The following NFXL1 variants were observed in gnomAD, a reference collection of about 807,000 sequenced individuals.
NFXL1 encodes the protein nuclear transcription factor, X-box binding like 1, also known as NF-X1-type zinc finger protein NFXL1.
Under a neutral mutation model 123.3 loss-of-function variants are expected in NFXL1, and 66 were observed. The ratio of observed to expected loss-of-function variants is 0.54; its 90% CI spans 0.44 to 0.66. NFXL1 has a LOEUF of 0.66. NFXL1 is among the 30% of genes least tolerant of loss of function. The pLI, the probability that NFXL1 is intolerant of heterozygous loss-of-function variation, is 0.00. For missense variants in NFXL1, 944 were observed against 1,125.6 expected (o/e 0.84, Z 2.31); for synonymous variants, 346 against 360.8 (o/e 0.96, Z 0.46).
intron 19 of NFXL1, among the ~76,000 whole-genome samples, chr4:47,861,896 G>A (rs1317526483): frequency 6.6e-6 from 1 of 152,118 alleles, no homozygotes; most frequent in Non-Finnish European, 1.5e-5. Context: ...CTTAATCAAA[G>A]ACTGATTATG....
At chr4:47,909,711 T>G (rs1203969423) in intron 3 of NFXL1, among the ~76,000 whole-genome samples, 1 of 151,502 alleles carries the variant, frequency 6.6e-6, no homozygotes, top group East Asian at 1.9e-4. Flanking sequence ...CAGGCTGGAG[T>G]GCAGTGGCGC....
intron 19 of NFXL1, among the ~76,000 whole-genome samples, chr4:47,861,513 A>G (rs982018327): frequency 9.2e-5 from 14 of 152,178 alleles, no homozygotes; most frequent in African/African-American, 3.4e-4. Context: ...AATTAGCAAC[A>G]CCTGAATTAA....
At chr4:47,882,435 A>C (rs1336742402) in intron 15 of NFXL1, 1 of 152,246 alleles carries the variant, frequency 6.6e-6, no homozygotes, top group Admixed American at 6.5e-5. Flanking sequence ...ACAGAAAGGC[A>C]AACAGCCTGA....
intron 17 of NFXL1, among the ~76,000 whole-genome samples, chr4:47,878,244 T>G (rs1297071724): frequency 6.6e-6 from 1 of 152,034 alleles, no homozygotes; most frequent in African/African-American, 2.4e-5. Flanking sequence ...AACCTATGTA[T>G]TTTTATCATA....
At chr4:47,868,098 G>A (rs1735206477) in intron 18 of NFXL1, among the ~76,000 whole-genome samples, 1 of 152,090 alleles carries the variant, frequency 6.6e-6, no homozygotes, top group African/African-American at 2.4e-5. Context: ...GGTGGATCAC[G>A]AGGTCAGGAG....
chr4:47,890,636 T>C lies in NFXL1; in HGVS notation c.1520A>G (p.Lys507Arg). 2.5e-6 allele frequency: 4 copies of C among 1,604,320 alleles called. No homozygotes were observed. The highest frequency in any genetic ancestry group is 3.4e-6 in the Non-Finnish European group (4 of 1,171,424). Residue 507 changes from lysine to arginine, a missense_variant, in exon 12 of 23, where the codon AAG becomes AGG. By Grantham distance (26) the Lys-to-Arg change is conservative. Around this residue, in one of 4 missense-constraint regions of NFXL1, gnomAD observed 296 missense variants for 395.1 expected, o/e 0.75. Transcript: ENST00000507489. ...ACCTCTGTGACAGACAGATGGACAC[T>C]TATGGTTTCTACATCCTAAAGTCCG... ...CGRTLGCRNHKCPSVCHRGSC... is the reference protein window; with the variant it reads ...CGRTLGCRNHRCPSVCHRGSC...
At chr4:47,884,081 T>C (rs1736278496) in intron 15 of NFXL1, among the ~76,000 whole-genome samples, 1 of 152,186 alleles carries the variant, frequency 6.6e-6, no homozygotes, top group Non-Finnish European at 1.5e-5. Flanking sequence ...TGTAATTGCA[T>C]GCACTCGCTA....
At chr4:47,896,359 C>T (rs1003449345) in intron 10 of NFXL1, among the ~76,000 whole-genome samples, 164 bp downstream of exon 10, 1 of 152,156 alleles carries the variant, frequency 6.6e-6, no homozygotes, top group African/African-American at 2.4e-5. Flanking sequence ...CGTGGTATGC[C>T]TGTATTCTCC....
chr4:47,884,053 G>C (rs1177237176), intron 15 of NFXL1, among the ~76,000 whole-genome samples: 1 of 152,158 alleles, frequency 6.6e-6, no homozygotes, highest in Non-Finnish European at 1.5e-5. Context: ...AACAAATGAT[G>C]TTCCTTGGAT....
intron 19 of NFXL1, among the ~76,000 whole-genome samples, chr4:47,858,515 A>G (rs1173979427): frequency 6.6e-6 from 1 of 152,238 alleles, no homozygotes; most frequent in East Asian, 1.9e-4. Flanking sequence ...CACCCACAGT[A>G]AAACAAACTT....
intron 12 of NFXL1, among the ~76,000 whole-genome samples, chr4:47,887,485 T>G (rs1662603881): frequency 6.6e-6 from 1 of 152,210 alleles, no homozygotes; most frequent in African/African-American, 2.4e-5. Flanking sequence ...TAACATTTAT[T>G]ATACAAAACA....
chr4:47,889,587 G>C (rs1478154955), intron 12 of NFXL1, among the ~76,000 whole-genome samples: 3 of 152,202 alleles, frequency 2.0e-5, no homozygotes, highest in East Asian at 3.8e-4. Context: ...CAGTTCAGTA[G>C]TTTGTTCTAG....
Position 47,898,095 on chromosome 4 carries a change from C to A in NFXL1, c.1090-14G>T. 6.8e-7 allele frequency: 1 copy of A among 1,474,556 alleles called. No homozygotes were observed. Among genetic ancestry groups the A allele is most frequent in the Non-Finnish European group, 9.4e-7 (1 of 1,068,434 alleles). 91.3% of individuals were successfully genotyped at this position (1,474,556 alleles called of 1,614,324 possible). A position where few individuals can be genotyped will look rare whatever the true frequency, so the allele number is the denominator to read the frequency against. ...TTTTCCACATACCTAAAATAAAATG[C>A]AATAAACACTAATGAAGGATTTAAA... On this transcript the variant is annotated splice_polypyrimidine_tract_variant and intron_variant, in intron 8 of 22. Transcript: ENST00000507489.
intron 18 of NFXL1, among the ~76,000 whole-genome samples, chr4:47,873,561 C>A (rs1032383465): frequency 6.6e-5 from 10 of 152,184 alleles, no homozygotes; most frequent in Non-Finnish European, 1.5e-4. Context: ...TTAAAGGAAT[C>A]TTTCTGATCA....
intron 14 of NFXL1, among the ~76,000 whole-genome samples, chr4:47,884,798 A>G (rs1736324369): frequency 6.6e-6 from 1 of 152,178 alleles, no homozygotes; most frequent in African/African-American, 2.4e-5. Context: ...AGCACCTAAA[A>G]AAAAGCTTGA....
chr4:47,861,794 C>T (rs1734784068), intron 19 of NFXL1, among the ~76,000 whole-genome samples: 2 of 152,242 alleles, frequency 1.3e-5, no homozygotes, highest in Non-Finnish European at 2.9e-5. Context: ...CTCTCAATTT[C>T]CAACAGATCT....
At chr4:47,905,757 G>A (rs1384618368) in intron 3 of NFXL1, among the ~76,000 whole-genome samples, 1 of 150,518 alleles carries the variant, frequency 6.6e-6, no homozygotes, top group African/African-American at 2.4e-5. Context: ...GTGAGTGGGG[G>A]TGGGGGTGGG....
intron 20 of NFXL1, 179 bp from the exon 21 acceptor site, chr4:47,852,121 T>C (rs1734150574): frequency 2.2e-6 from 1 of 456,632 alleles, no homozygotes; most frequent in Non-Finnish European, 3.9e-6. Flanking sequence ...TACTTGCTTA[T>C]TTTCTCTTAA....
At chr4:47,848,718 T>C (rs1733948777) in intron 22 of NFXL1, among the ~76,000 whole-genome samples, 2 of 151,990 alleles carry the variant, frequency 1.3e-5, no homozygotes, top group African/African-American at 4.8e-5. Context: ...TGAAACCCCA[T>C]CTATACTAAA....
Sources: gnomAD v4.1 joint callset for allele counts (sites outside exome capture counted in the v4.1 genomes callset) on GRCh38, gnomAD v4.1.1 for gene constraint, gnomAD v4.1.1 regional missense constraint, MANE v1.5 for transcripts, NCBI Gene and HGNC (gene_info 2026-07-23, HGNC 2026-07-21) for gene names.